EML4: variants seen among roughly 807,000 people sequenced by gnomAD.
EML4 encodes the protein EMAP like 4.
In EML4, 72 loss-of-function variants were observed where a neutral mutation model predicts 129.0. The ratio of observed to expected loss-of-function variants is 0.56; its 90% CI spans 0.46 to 0.68. The LOEUF (loss-of-function observed/expected upper bound fraction) is 0.68, where lower values mean the gene tolerates loss of function less well. Ranked by LOEUF, EML4 falls within the 30% of genes least tolerant of loss-of-function variation. The pLI is 0.00. For synonymous variants in EML4, 532 were observed against 405.0 expected (o/e 1.31, Z -3.77); for missense variants, 1,363 against 1,190.6 (o/e 1.14, Z -2.13).
intron 6 of EML4, among the ~76,000 whole-genome samples, chr2:42,270,827 G>C (rs767760024): frequency 6.6e-6 from 1 of 152,226 alleles, no homozygotes; most frequent in Non-Finnish European, 1.5e-5. Flanking sequence ...GTTGAGTGTG[G>C]ATAAACAGAA....
chr2:42,239,128 G>C (rs1270850067), intron 1 of EML4, among the ~76,000 whole-genome samples: 1 of 152,194 alleles, frequency 6.6e-6, no homozygotes, highest in Non-Finnish European at 1.5e-5. Flanking sequence ...TTGCAGCGTA[G>C]TAATTAATAT....
At chr2:42,213,994 G>A (rs1673028962) in intron 1 of EML4, among the ~76,000 whole-genome samples, 1 of 152,142 alleles carries the variant, frequency 6.6e-6, no homozygotes, top group Non-Finnish European at 1.5e-5. Flanking sequence ...AGAGAACTTT[G>A]TCTTATTGTG....
intron 1 of EML4, among the ~76,000 whole-genome samples, chr2:42,188,335 C>T (rs994094647): frequency 2.6e-5 from 4 of 152,166 alleles, no homozygotes; most frequent in Admixed American, 1.3e-4. Flanking sequence ...GATCCTCCCA[C>T]TCACCTCGCG....
intron 1 of EML4, among the ~76,000 whole-genome samples, chr2:42,241,874 C>CGGGGG (rs58306857): frequency 2.1e-4 from 30 of 144,930 alleles, no homozygotes; most frequent in African/African-American, 6.8e-4. Flanking sequence ...GTGTGTGTGT[C>CGGGGG]GGGGGGGGGA....
chr2:42,219,776 T>C (rs1246543735), intron 1 of EML4, among the ~76,000 whole-genome samples: 1 of 150,882 alleles, frequency 6.6e-6, no homozygotes. Context: ...AAAAAAATTA[T>C]TAGCCGGGCG....
chr2:42,219,045 T>C (rs1010222217), intron 1 of EML4, among the ~76,000 whole-genome samples: 1 of 152,198 alleles, frequency 6.6e-6, no homozygotes, highest in Non-Finnish European at 1.5e-5. Flanking sequence ...CTGAAACACA[T>C]TTGCTTGTTT....
chr2:42,310,399 C>T (rs1572736671), intron 17 of EML4, among the ~76,000 whole-genome samples: 1 of 151,822 alleles, frequency 6.6e-6, no homozygotes, highest in Admixed American at 6.6e-5. Flanking sequence ...GGCTGGAGTG[C>T]AGTGACATAA....
At chr2:42,264,850 C>T (rs1274540085) in intron 6 of EML4, 119 bp downstream of exon 6, 91 of 1,470,496 alleles carry the variant, frequency 6.2e-5, no homozygotes, top group Non-Finnish European at 8.1e-5. Flanking sequence ...AAGAAAAGTG[C>T]GTTACTGTAG....
intron 1 of EML4, among the ~76,000 whole-genome samples, chr2:42,197,275 C>G (rs1671948133): frequency 6.6e-6 from 1 of 152,138 alleles, no homozygotes; most frequent in Non-Finnish European, 1.5e-5. Context: ...TATTCCCAGG[C>G]TGGTCTCCAA....
At chr2:42,270,992 C>G (rs1425348192) in intron 6 of EML4, among the ~76,000 whole-genome samples, 1 of 152,144 alleles carries the variant, frequency 6.6e-6, no homozygotes, top group Non-Finnish European at 1.5e-5. Context: ...ACCTCCCGGG[C>G]TCAGTTGATC....
At chr2:42,182,891 G>C (rs927328727) in intron 1 of EML4, among the ~76,000 whole-genome samples, 1 of 152,088 alleles carries the variant, frequency 6.6e-6, no homozygotes, top group Non-Finnish European at 1.5e-5. Context: ...TTTTCTTTGT[G>C]TGTACATATC....
At chr2:42,310,282 C>G (rs1390550311) in intron 17 of EML4, among the ~76,000 whole-genome samples, 2 of 151,816 alleles carry the variant, frequency 1.3e-5, no homozygotes, top group South Asian at 2.1e-4. Context: ...CTCCCCTTCC[C>G]CTTTCCCTTC....
chr2:42,253,768 A>G (rs1038856401), intron 2 of EML4, among the ~76,000 whole-genome samples: 3 of 152,222 alleles, frequency 2.0e-5, no homozygotes, highest in South Asian at 4.1e-4. Context: ...ACCTCACGCC[A>G]TAAACAAAAA....
At chr2:42,264,008 C>T (rs367976975) in intron 5 of EML4, among the ~76,000 whole-genome samples, 132 of 151,548 alleles carry the variant, frequency 8.7e-4, no homozygotes, top group African/African-American at 2.5e-3. Flanking sequence ...GGATTACAGG[C>T]GTGAGCCACC....
intron 6 of EML4, among the ~76,000 whole-genome samples, chr2:42,271,239 A>G (rs543537711): frequency 3.6e-4 from 55 of 152,326 alleles, no homozygotes; most frequent in African/African-American, 1.3e-3. Context: ...CTGTATAACC[A>G]TAACTTGGAT....
chr2:42,231,944 G>A (rs1055398029), intron 1 of EML4, among the ~76,000 whole-genome samples: 7 of 147,664 alleles, frequency 4.7e-5, no homozygotes, highest in African/African-American at 7.8e-5. Flanking sequence ...GTGAGACTCC[G>A]TCTCAAAAAA....
chr2:42,200,984 T>G (rs1421454596), intron 1 of EML4, among the ~76,000 whole-genome samples: 1 of 152,190 alleles, frequency 6.6e-6, no homozygotes, highest in African/African-American at 2.4e-5. Flanking sequence ...AGAAATTAAG[T>G]GAATTGCATC....
intron 1 of EML4, among the ~76,000 whole-genome samples, chr2:42,205,312 A>G (rs1372686096): frequency 1.3e-5 from 2 of 152,204 alleles, no homozygotes; most frequent in Non-Finnish European, 2.9e-5. Context: ...GAAAACTTCT[A>G]GTGTTGACAG....
At chr2:42,192,708 A>G (rs1338714828) in intron 1 of EML4, among the ~76,000 whole-genome samples, 1 of 152,200 alleles carries the variant, frequency 6.6e-6, no homozygotes, top group African/African-American at 2.4e-5. Flanking sequence ...TAAAGCATGA[A>G]GGATTTTGCT....
Sources: allele counts gnomAD v4.1 joint callset (sites outside exome capture counted in the v4.1 genomes callset), GRCh38; gene constraint gnomAD v4.1.1; transcripts MANE v1.5; gene names NCBI Gene and HGNC (gene_info 2026-07-23, HGNC 2026-07-21).